The following CYP39A1 variants were observed in gnomAD, a reference collection of about 807,000 sequenced individuals.
The protein encoded by CYP39A1 is 24-hydroxycholesterol 7-alpha-hydroxylase.
Under a neutral mutation model 58.1 loss-of-function variants are expected in CYP39A1, and 49 were observed. The observed-to-expected ratio is 0.84, with a 90% CI of 0.67 to 1.07. The LOEUF is 1.07. Ranked by LOEUF, CYP39A1 falls within the 50% of genes least tolerant of loss-of-function variation. The pLI is 0.00. For synonymous variants in CYP39A1, 209 were observed against 187.6 expected, an observed-to-expected ratio of 1.11 and a Z score of -0.93; for missense variants, 531 against 539.4, an observed-to-expected ratio of 0.98 and a Z score of 0.16.
At chr6:46,643,642 G>A (rs904793538) in intron 1 of CYP39A1, among the ~76,000 whole-genome samples, 1 of 152,210 alleles carries the variant, frequency 6.6e-6, no homozygotes, top group African/African-American at 2.4e-5. Context: ...GGCCACAAGT[G>A]TAGACTAACC....
chr6:46,606,247 T>C (rs1310040474), intron 7 of CYP39A1, among the ~76,000 whole-genome samples: 1 of 152,208 alleles, frequency 6.6e-6, no homozygotes, highest in African/African-American at 2.4e-5. Flanking sequence ...ATTAGAGATG[T>C]AGCCTACATT....
At chr6:46,572,378 T>C (rs1268912537) in intron 10 of CYP39A1, among the ~76,000 whole-genome samples, 1 of 152,166 alleles carries the variant, frequency 6.6e-6, no homozygotes, top group African/African-American at 2.4e-5. Context: ...CTCCTTCAGC[T>C]CTGTTTGTCT....
intron 8 of CYP39A1, among the ~76,000 whole-genome samples, chr6:46,589,655 T>C (rs1014191938): frequency 5.3e-5 from 8 of 151,958 alleles, no homozygotes; most frequent in Admixed American, 5.2e-4. Flanking sequence ...GCAGGTACCT[T>C]CTATCATTTT....
At chr6:46,621,276 G>T (rs1028607251) in intron 7 of CYP39A1, among the ~76,000 whole-genome samples, 1 of 151,990 alleles carries the variant, frequency 6.6e-6, no homozygotes, top group Non-Finnish European at 1.5e-5. Context: ...AAGAACTAAG[G>T]AAATCTTTTC....
intron 7 of CYP39A1, among the ~76,000 whole-genome samples, chr6:46,609,208 T>C (rs1028932380): frequency 1.3e-5 from 2 of 151,786 alleles, no homozygotes; most frequent in Non-Finnish European, 1.5e-5. Flanking sequence ...GAGACCATCC[T>C]GGCTAACACT....
chr6:46,602,689 C>CAAAAAA (rs35833432), intron 7 of CYP39A1, among the ~76,000 whole-genome samples: 6 of 46,884 alleles, frequency 1.3e-4, no homozygotes, highest in Non-Finnish European at 2.0e-4. Flanking sequence ...GTGCACGTCT[C>CAAAAAA]AAAAAAAAAA....
chr6:46,642,608 T>C (rs1392432565), intron 1 of CYP39A1, among the ~76,000 whole-genome samples: 8 of 152,274 alleles, frequency 5.3e-5, no homozygotes, highest in African/African-American at 1.9e-4. Flanking sequence ...CATTGTGACA[T>C]TTAAACATTG....
At chr6:46,611,571 T>A (rs964522027) in intron 7 of CYP39A1, among the ~76,000 whole-genome samples, 1 of 152,206 alleles carries the variant, frequency 6.6e-6, no homozygotes, top group Non-Finnish European at 1.5e-5. Flanking sequence ...TGAAAAATAA[T>A]ATTTGGTGTT....
At chr6:46,619,720 G>C (rs549797489) in intron 7 of CYP39A1, among the ~76,000 whole-genome samples, 1 of 152,068 alleles carries the variant, frequency 6.6e-6, no homozygotes, top group South Asian at 2.1e-4. Context: ...ATATCTTCTG[G>C]ATACTTCCAA....
chr6:46,634,026 A>C (rs1192884580), intron 5 of CYP39A1, among the ~76,000 whole-genome samples: 1 of 152,238 alleles, frequency 6.6e-6, no homozygotes, highest in African/African-American at 2.4e-5. Context: ...GATTAGCTTC[A>C]GCAGAATTCA....
chr6:46,645,104 T>C (rs1252901792), intron 1 of CYP39A1, among the ~76,000 whole-genome samples: 1 of 152,174 alleles, frequency 6.6e-6, no homozygotes, highest in East Asian at 1.9e-4. Flanking sequence ...TAAATCTTTT[T>C]AATGAGCTCT....
intron 10 of CYP39A1, among the ~76,000 whole-genome samples, chr6:46,580,570 T>C (rs1772074997): frequency 6.6e-6 from 1 of 152,010 alleles, no homozygotes; most frequent in African/African-American, 2.4e-5. Context: ...AAACAGACAA[T>C]CTACAGAATG....
chr6:46,586,573 G>C (rs1561967553), intron 10 of CYP39A1: 1 of 985,976 alleles, frequency 1.0e-6, no homozygotes, highest in African/African-American at 1.7e-5. Flanking sequence ...CACTGAGGAG[G>C]AGGGCTGGGT....
chr6:46,629,748 T>C (rs1300914285), intron 6 of CYP39A1, among the ~76,000 whole-genome samples: 1 of 152,194 alleles, frequency 6.6e-6, no homozygotes, highest in Non-Finnish European at 1.5e-5. Flanking sequence ...CATATCATCA[T>C]GGATAGGTTA....
At chr6:46,561,842 T>C (rs1770994029) in intron 10 of CYP39A1, among the ~76,000 whole-genome samples, 1 of 152,146 alleles carries the variant, frequency 6.6e-6, no homozygotes, top group Admixed American at 6.6e-5. Flanking sequence ...AGAAATACCG[T>C]GCATATTTTG....
At chr6:46,552,661 A>G (rs567645254) in intron 11 of CYP39A1, among the ~76,000 whole-genome samples, 1 of 152,038 alleles carries the variant, frequency 6.6e-6, no homozygotes, top group Non-Finnish European at 1.5e-5. Context: ...CCTTTACCCA[A>G]AGTTTTCACA....
At chr6:46,631,642 C>G (rs1189563434) in intron 5 of CYP39A1, among the ~76,000 whole-genome samples, 2 of 152,172 alleles carry the variant, frequency 1.3e-5, no homozygotes, top group Admixed American at 6.5e-5. Flanking sequence ...CACCCCCATC[C>G]ACCATACAGA....
chr6:46,597,231 G>A (rs3799879), intron 7 of CYP39A1, among the ~76,000 whole-genome samples: 12,202 of 152,092 alleles, frequency 0.08, 846 homozygotes, highest in Admixed American at 0.18. Context: ...TAAGTACCAC[G>A]TAGGGACCAG....
chr6:46,607,157 C>A (rs892285105), intron 7 of CYP39A1, among the ~76,000 whole-genome samples: 1 of 152,064 alleles, frequency 6.6e-6, no homozygotes, highest in Non-Finnish European at 1.5e-5. Flanking sequence ...GAATGAGAAA[C>A]ACACGGCCAC....
Sources: allele counts gnomAD v4.1 joint callset (sites outside exome capture counted in the v4.1 genomes callset), GRCh38; gene constraint gnomAD v4.1.1; transcripts MANE v1.5; gene names NCBI Gene and HGNC (gene_info 2026-07-23, HGNC 2026-07-21).